ARHGAP10: variants seen among roughly 807,000 people sequenced by gnomAD.
ARHGAP10 encodes the protein Rho GTPase activating protein 10, also known as rho GTPase-activating protein 10.
ARHGAP10 carries 87 observed loss-of-function variants against 108.6 expected under a neutral mutation model. That is an observed-to-expected ratio of 0.80 (90% CI 0.67 to 0.96). ARHGAP10 has a LOEUF of 0.96. Among genes scored for constraint, ARHGAP10 ranks in the 40% least tolerant of loss-of-function variants. The probability of loss-of-function intolerance (pLI) is 0.00; values close to 1 mark genes in which losing one functional copy is unlikely to be tolerated. For missense variants in ARHGAP10, 939 were observed against 954.5 expected (o/e 0.98, Z 0.21); for synonymous variants, 347 against 341.1 (o/e 1.02, Z -0.19).
chr4:147,780,657 G>C (rs780863444), intron 1 of ARHGAP10, among the ~76,000 whole-genome samples: 17 of 152,260 alleles, frequency 1.1e-4, no homozygotes, highest in Non-Finnish European at 8.8e-5. Flanking sequence ...TTGAGAAGGG[G>C]AAGTCACTTG....
intron 19 of ARHGAP10, among the ~76,000 whole-genome samples, chr4:148,045,686 C>T (rs1009174624): frequency 1.4e-5 from 2 of 145,962 alleles, no homozygotes; most frequent in South Asian, 2.1e-4. Context: ...TGCGGTGAGC[C>T]GAGATCGCGC....
chr4:147,798,703 G>T (rs980763073), intron 1 of ARHGAP10, among the ~76,000 whole-genome samples: 1 of 145,422 alleles, frequency 6.9e-6, no homozygotes, highest in South Asian at 2.2e-4. Context: ...GGTGCATTAC[G>T]TGAGGTCAGG....
intron 3 of ARHGAP10, among the ~76,000 whole-genome samples, chr4:147,842,404 G>A (rs1733452499): frequency 6.6e-6 from 1 of 152,126 alleles, no homozygotes; most frequent in African/African-American, 2.4e-5. Flanking sequence ...CCAGAGTATG[G>A]AGTTTTGGGG....
chr4:147,943,672 C>T (rs1738257127), intron 14 of ARHGAP10, among the ~76,000 whole-genome samples: 1 of 152,208 alleles, frequency 6.6e-6, no homozygotes, highest in Non-Finnish European at 1.5e-5. Flanking sequence ...AAGTGTCCTT[C>T]CTTGGTCAGA....
At chr4:147,801,579 T>C (rs1265146752) in intron 1 of ARHGAP10, among the ~76,000 whole-genome samples, 2 of 152,266 alleles carry the variant, frequency 1.3e-5, no homozygotes, top group Non-Finnish European at 2.9e-5. Flanking sequence ...GTCTGTTTTT[T>C]ACTATAAAAC....
chr4:147,909,642 A>G (rs552847319), intron 11 of ARHGAP10, 90 bp from the exon 12 acceptor site: 8 of 1,092,568 alleles, frequency 7.3e-6, no homozygotes, highest in Admixed American at 7.2e-5. Context: ...ATAAAAATGT[A>G]TTTTTTTTTG....
intron 4 of ARHGAP10, among the ~76,000 whole-genome samples, chr4:147,851,105 C>A (rs542300161): frequency 6.6e-6 from 1 of 152,156 alleles, no homozygotes; most frequent in Non-Finnish European, 1.5e-5. Context: ...CAGATGCTAT[C>A]TTGGAAAGAG....
intron 1 of ARHGAP10, chr4:147,808,931 C>G (rs1159228266): frequency 6.6e-6 from 1 of 152,342 alleles, no homozygotes; most frequent in Non-Finnish European, 1.5e-5. Flanking sequence ...TTCTTGCCAG[C>G]TGCCCTGGTG....
intron 18 of ARHGAP10, among the ~76,000 whole-genome samples, chr4:147,989,279 TCACAGGAC>T (rs1362156256): frequency 2.6e-5 from 4 of 152,174 alleles, no homozygotes; most frequent in African/African-American, 9.7e-5. Context: ...CAGGGCGAGA[TCACAGGAC>T]CACAGGACTG....
At position 147,736,851 on chromosome 4, in the gene ARHGAP10, G is replaced by GGAGACGT. The variant is rs370767595; in HGVS notation, c.154+4399_154+4405dup. ...GAGGTTGTATCCCAGTTCTGACCAA[G>GGAGACGT]GAGACGTGACAGGAAGTCTGGGTAC... On this transcript the variant is annotated intron_variant, in intron 1 of 22. Transcript: ENST00000336498. 5.4e-3 allele frequency among the ~76,000 whole-genome samples: 819 copies of GGAGACGT among 152,324 alleles called. 10 individuals carry two copies. The highest frequency in any genetic ancestry group is 0.019 in the African/African-American group (788 of 41,560).
chr4:147,923,073 T>C lies in ARHGAP10; in HGVS notation c.1228+9934T>C, dbSNP rs180907359. Among the ~76,000 whole-genome samples, 229 of 152,334 alleles carry C rather than the reference T, an allele frequency of 1.5e-3. 3 individuals are homozygous for C. The highest frequency in any genetic ancestry group is 4.6e-4 in the Non-Finnish European group (31 of 68,040). ...TGACTAAAATTCCATATTGGTAATA[T>C]TGTGTGTCTCAACAATTTCTAAAGT... On this transcript the variant is annotated intron_variant, in intron 13 of 22. Coordinates refer to ENST00000336498, the MANE Select transcript of ARHGAP10 (RefSeq NM_024605.4).
intron 3 of ARHGAP10, among the ~76,000 whole-genome samples, chr4:147,845,111 T>C (rs570103792): frequency 2.2e-4 from 34 of 152,360 alleles, no homozygotes; most frequent in African/African-American, 7.2e-4. Context: ...CCTTTGCCTC[T>C]GCTGATCTCA....
intron 10 of ARHGAP10, among the ~76,000 whole-genome samples, chr4:147,886,848 G>A (rs1050569151): frequency 1.3e-5 from 2 of 152,246 alleles, no homozygotes; most frequent in Middle Eastern, 3.4e-3. Flanking sequence ...TCTGCTCACC[G>A]CAACCTCCGC....
intron 10 of ARHGAP10, among the ~76,000 whole-genome samples, chr4:147,890,858 C>T (rs991298896): frequency 6.6e-6 from 1 of 151,718 alleles, no homozygotes; most frequent in Non-Finnish European, 1.5e-5. Flanking sequence ...CACAAGTGGC[C>T]AATAAACACA....
chr4:148,064,846 C>A (rs951143340), intron 22 of ARHGAP10, among the ~76,000 whole-genome samples: 1 of 152,188 alleles, frequency 6.6e-6, no homozygotes, highest in Non-Finnish European at 1.5e-5. Context: ...TCTTTGTTCT[C>A]CCAGAGTTGC....
intron 18 of ARHGAP10, among the ~76,000 whole-genome samples, chr4:148,017,608 A>G (rs1047957359): frequency 6.7e-6 from 1 of 148,240 alleles, no homozygotes; most frequent in Non-Finnish European, 1.5e-5. Flanking sequence ...GGCCTAAAGC[A>G]TCCCAACATT....
At chr4:147,952,058 A>T (rs999284065) in intron 15 of ARHGAP10, among the ~76,000 whole-genome samples, 4 of 152,160 alleles carry the variant, frequency 2.6e-5, no homozygotes, top group African/African-American at 7.2e-5. Flanking sequence ...CTTAGAATAG[A>T]TTCTTCTATG....
chr4:147,859,365 C>T (rs931762758), intron 5 of ARHGAP10, among the ~76,000 whole-genome samples: 3 of 151,406 alleles, frequency 2.0e-5, no homozygotes, highest in Non-Finnish European at 4.4e-5. Flanking sequence ...CTCCACCTGC[C>T]GGATTCAAGC....
chr4:147,791,709 C>T (rs916371599), intron 1 of ARHGAP10, among the ~76,000 whole-genome samples: 12 of 151,838 alleles, frequency 7.9e-5, no homozygotes, highest in Admixed American at 3.3e-4. Flanking sequence ...CTCAGCCTCC[C>T]GAGTAGCTGA....
Sources: gnomAD v4.1 joint callset for allele counts (sites outside exome capture counted in the v4.1 genomes callset) on GRCh38, gnomAD v4.1.1 for gene constraint, MANE v1.5 for transcripts, NCBI Gene and HGNC (gene_info 2026-07-23, HGNC 2026-07-21) for gene names.